TMBIM4: variants seen among roughly 807,000 people sequenced by gnomAD.
TMBIM4 encodes protein lifeguard 4.
TMBIM4 carries 28 observed loss-of-function variants against 27.7 expected under a neutral mutation model. The observed-to-expected ratio is 1.01, with a 90% CI of 0.75 to 1.38. The LOEUF (loss-of-function observed/expected upper bound fraction) is 1.38, where lower values mean the gene tolerates loss of function less well. Ranked by LOEUF, TMBIM4 falls within the 40% of genes most tolerant of loss-of-function variation. The pLI is 0.00. For synonymous variants in TMBIM4, 115 were observed against 113.1 expected (o/e 1.02, Z -0.11); for missense variants, 265 against 277.5 (o/e 0.95, Z 0.32).
chr12:66,162,208 T>C (rs574818692), intron 1 of TMBIM4, among the ~76,000 whole-genome samples: 4 of 152,320 alleles, frequency 2.6e-5, no homozygotes, highest in South Asian at 4.1e-4. Flanking sequence ...ATCTCTCTTG[T>C]CTGCAGTTTT....
At chr12:66,169,093 G>A in intron 1 of TMBIM4, 3 of 546,688 alleles carry the variant, frequency 5.5e-6, no homozygotes, top group Non-Finnish European at 9.7e-6. Flanking sequence ...TAGCACATCA[G>A]AACTATCTTC....
At chr12:66,150,161 A>G (rs1170450929) in intron 3 of TMBIM4, among the ~76,000 whole-genome samples, 1 of 152,194 alleles carries the variant, frequency 6.6e-6, no homozygotes, top group Non-Finnish European at 1.5e-5. Flanking sequence ...CTTCCCACAC[A>G]GAAATCAGTC....
intron 1 of TMBIM4, among the ~76,000 whole-genome samples, chr12:66,168,525 A>G (rs747229732): frequency 2.6e-5 from 4 of 152,230 alleles, no homozygotes; most frequent in Non-Finnish European, 4.4e-5. Flanking sequence ...TTCTCGGTAT[A>G]TAGTGAACTA....
At chr12:66,152,014 C>G (rs1036727237) in intron 3 of TMBIM4, among the ~76,000 whole-genome samples, 4 of 152,036 alleles carry the variant, frequency 2.6e-5, no homozygotes, top group African/African-American at 9.7e-5. Flanking sequence ...AAATGCCTTG[C>G]CAAGTGTCAC....
chr12:66,144,183 G>A (rs934799262), intron 5 of TMBIM4, among the ~76,000 whole-genome samples: 1 of 152,096 alleles, frequency 6.6e-6, no homozygotes, highest in African/African-American at 2.4e-5. Context: ...GCTGGTTGTA[G>A]TAATACAGGT....
intron 5 of TMBIM4, among the ~76,000 whole-genome samples, chr12:66,144,355 G>C (rs1192116494): frequency 6.6e-6 from 1 of 152,106 alleles, no homozygotes; most frequent in East Asian, 1.9e-4. Context: ...TGTCAAGGTA[G>C]AATGGAATTA....
intron 1 of TMBIM4, among the ~76,000 whole-genome samples, chr12:66,157,079 AATATACT>A (rs528709320): frequency 1.8e-4 from 28 of 152,244 alleles, no homozygotes; most frequent in Admixed American, 9.2e-4. Flanking sequence ...TAATGCCACA[AATATACT>A]ATATATCTGT....
At chr12:66,152,451 TTATC>T in intron 2 of TMBIM4, 75 bp from the exon 3 acceptor site, 2 of 948,312 alleles carry the variant, frequency 2.1e-6, no homozygotes, top group Non-Finnish European at 3.1e-6. Context: ...TTAATAAAAT[TTATC>T]TATTTTATAT....
At chr12:66,165,297 G>A (rs889063231) in intron 1 of TMBIM4, among the ~76,000 whole-genome samples, 8 of 152,012 alleles carry the variant, frequency 5.3e-5, no homozygotes, top group African/African-American at 1.9e-4. Context: ...TCACATTCCT[G>A]ATTTCAAAAC....
At position 66,163,866 on chromosome 12, in the gene TMBIM4, CA is replaced by C. The variant is rs529883238; in HGVS notation, c.97+5988del. Among the ~76,000 whole-genome samples the C allele has an allele frequency of 1.2e-4, 18 of 152,282 alleles. No individual in the cohort carries two copies. The South Asian group carries it at 3.7e-3, about 32-fold the overall frequency. On this transcript the variant is annotated intron_variant, in intron 1 of 6. Coordinates refer to ENST00000358230, the MANE Select transcript of TMBIM4 (RefSeq NM_016056.4). Reference sequence around the variant, plus strand: ...GCCTGCATTACCCTGATACCAAAGCCAAAGACACTACAAGAAAACTGCAGAG... The same window carrying C: ...GCCTGCATTACCCTGATACCAAAGCCAAGACACTACAAGAAAACTGCAGAG...
At chr12:66,164,550 C>T (rs1245707243) in intron 1 of TMBIM4, among the ~76,000 whole-genome samples, 4 of 152,134 alleles carry the variant, frequency 2.6e-5, no homozygotes, top group Non-Finnish European at 5.9e-5. Context: ...TGGGGTTAGT[C>T]AGAAGTCAAC....
At chr12:66,146,105 T>C (rs1419951431) in intron 4 of TMBIM4, 147 bp from the exon 5 acceptor site, 1 of 524,226 alleles carries the variant, frequency 1.9e-6, no homozygotes, top group Non-Finnish European at 3.4e-6. Context: ...CATCCTTGAC[T>C]ACATGGGTAC....
chr12:66,153,720 G>A (rs1295728428), intron 1 of TMBIM4, among the ~76,000 whole-genome samples: 3 of 152,182 alleles, frequency 2.0e-5, no homozygotes, highest in East Asian at 3.9e-4. Context: ...AATGAAAAAT[G>A]TATTAAATGC....
chr12:66,137,973 A>G lies in TMBIM4; in HGVS notation c.704T>C (p.Val235Ala). ...FLHLLRFLEA[V>A]NKK ...AGATACTTTTAATTACTTTTTATTA[A>G]CTGCTTCCAGAAACCGTAACAGGTG... Residue 235 changes from valine to alanine, a missense_variant, in exon 7 of 7, where the codon GTT becomes GCT. Transcript: ENST00000358230. The G allele has an allele frequency of 6.2e-7, 1 of 1,613,002 alleles. No individual in the cohort carries two copies.
chr12:66,164,317 T>A (rs949404428), intron 1 of TMBIM4, among the ~76,000 whole-genome samples: 4 of 152,160 alleles, frequency 2.6e-5, no homozygotes, highest in Non-Finnish European at 5.9e-5. Context: ...CATCTCTGTG[T>A]CTCTGTCTCA....
In TMBIM4 at chr12:66,148,298, A is replaced by G. The variant is rs557297043; in HGVS notation, c.313-357T>C. ...TTATAAAACCTCAATACCTCACACA[A>G]ACATAGGAAGAATAAAATATTTAGG... is the stretch of plus-strand genomic sequence containing the variant. On this transcript the variant is annotated intron_variant, in intron 3 of 6. Coordinates refer to ENST00000358230, the MANE Select transcript of TMBIM4 (RefSeq NM_016056.4). 5.9e-5 allele frequency among the ~76,000 whole-genome samples: 9 copies of G among 152,332 alleles called. No individual in the cohort carries two copies. The South Asian group carries it at 1.9e-3, about 32-fold the overall frequency.
At chr12:66,147,871 AGTT>A in intron 4 of TMBIM4, 34 bp downstream of exon 4, 1 of 1,577,686 alleles carries the variant, frequency 6.3e-7, no homozygotes, top group Non-Finnish European at 8.7e-7. Context: ...TACATTAAAA[AGTT>A]ATTATAACAT....
intron 2 of TMBIM4, among the ~76,000 whole-genome samples, chr12:66,152,926 T>C (rs1235408137): frequency 1.3e-5 from 2 of 151,902 alleles, no homozygotes; most frequent in African/African-American, 4.8e-5. Context: ...CAGGGATGAA[T>C]CATGTGGAGC....
chr12:66,142,770 C>CAA (rs35624633), intron 5 of TMBIM4, among the ~76,000 whole-genome samples: 59,911 of 151,554 alleles, frequency 0.4, 13,008 homozygotes, highest in East Asian at 0.85. Context: ...TTCAGAAACA[C>CAA]GAGACCCATG....
Sources: gnomAD v4.1 joint callset for allele counts (sites outside exome capture counted in the v4.1 genomes callset) on GRCh38, gnomAD v4.1.1 for gene constraint, MANE v1.5 for transcripts, NCBI Gene and HGNC (gene_info 2026-07-23, HGNC 2026-07-21) for gene names.